Variants in NR6A1 observed in about 807,000 individuals in gnomAD.
NR6A1 encodes the protein nuclear receptor subfamily 6 group A member 1, also known as retinoic acid receptor-related testis-associated receptor.
Under a neutral mutation model 59.1 loss-of-function variants are expected in NR6A1, and 7 were observed. The ratio of observed to expected loss-of-function variants is 0.12; its 90% CI spans 0.07 to 0.22. The LOEUF is 0.22. Among genes scored for constraint, NR6A1 ranks in the 10% least tolerant of loss-of-function variants. NR6A1 has a pLI of 1.00. For missense variants in NR6A1, 468 were observed against 611.6 expected (o/e 0.77, Z 2.48); for synonymous variants, 243 against 236.1 (o/e 1.03, Z -0.27).
chr9:124,588,934 G>GAAAAAAAAAAAAAAAAA (rs1486219342), intron 2 of NR6A1, among the ~76,000 whole-genome samples: 1 of 110,086 alleles, frequency 9.1e-6, no homozygotes. Flanking sequence ...AAAAAAAAAA[G>GAAAAAAAAAAAAAAAAA]AAAGAAAAAA....
At chr9:124,524,633 G>A (rs1832881045) in intron 9 of NR6A1, 88 bp downstream of exon 9, 3 of 1,479,564 alleles carry the variant, frequency 2.0e-6, no homozygotes, top group Non-Finnish European at 2.8e-6. Context: ...GGGCTGGAAA[G>A]AGCACCCTGA....
intron 2 of NR6A1, among the ~76,000 whole-genome samples, chr9:124,646,603 A>G (rs952846710): frequency 3.9e-5 from 6 of 152,260 alleles, no homozygotes; most frequent in Admixed American, 1.3e-4. Context: ...CATTGGAAGA[A>G]TAAGTGTCTT....
intron 1 of NR6A1, among the ~76,000 whole-genome samples, chr9:124,766,321 T>C (rs1323979824): frequency 1.3e-5 from 2 of 152,256 alleles, no homozygotes; most frequent in Non-Finnish European, 2.9e-5. Flanking sequence ...AACATTTTCC[T>C]TCACAACTTA....
intron 7 of NR6A1, among the ~76,000 whole-genome samples, chr9:124,534,213 C>T (rs1488098479): frequency 1.3e-5 from 2 of 152,024 alleles, no homozygotes; most frequent in Non-Finnish European, 2.9e-5. Context: ...CCTGGGATTA[C>T]AGGCATGCGC....
At chr9:124,593,844 C>T (rs1280803496) in intron 2 of NR6A1, among the ~76,000 whole-genome samples, 2 of 152,118 alleles carry the variant, frequency 1.3e-5, no homozygotes, top group East Asian at 1.9e-4. Context: ...CAAAGCCCTT[C>T]CCCCACCTTT....
chr9:124,701,567 T>C (rs1838951274), intron 2 of NR6A1, among the ~76,000 whole-genome samples: 2 of 152,212 alleles, frequency 1.3e-5, no homozygotes, highest in Admixed American at 1.3e-4. Flanking sequence ...CCATTTCCCC[T>C]AGCAACTTGT....
chr9:124,550,085 T>C lies in NR6A1; in HGVS notation c.385+4243A>G, dbSNP rs372139841. Among the ~76,000 whole-genome samples, 18 of 152,340 alleles carry C rather than the reference T, an allele frequency of 1.2e-4. No homozygotes were observed. The East Asian group carries it at 1.5e-3, about 13-fold the overall frequency. ...GCTTGTTTGTTTTCTCAGGATTAGA[T>C]TGAGTGAACTTACCTCTCTGTGTGT... On this transcript the variant is annotated intron_variant, in intron 3 of 9. Coordinates refer to ENST00000487099, the MANE Select transcript of NR6A1 (RefSeq NM_033334.4).
At chr9:124,631,092 G>T (rs773176897) in intron 2 of NR6A1, among the ~76,000 whole-genome samples, 3 of 152,072 alleles carry the variant, frequency 2.0e-5, no homozygotes, top group Non-Finnish European at 2.9e-5. Context: ...CAGTTTCTGG[G>T]ATATAAATGA....
intron 1 of NR6A1, among the ~76,000 whole-genome samples, chr9:124,736,749 G>C (rs1377980269): frequency 6.6e-6 from 1 of 152,074 alleles, no homozygotes; most frequent in Non-Finnish European, 1.5e-5. Flanking sequence ...GGGAGGCTGA[G>C]GTAGAGATCA....
At chr9:124,708,674 A>G (rs976555013) in intron 2 of NR6A1, among the ~76,000 whole-genome samples, 5 of 152,236 alleles carry the variant, frequency 3.3e-5, no homozygotes, top group South Asian at 2.1e-4. Flanking sequence ...CCCAAAAGCC[A>G]TAACTACTGG....
At position 124,771,087 on chromosome 9, in the gene NR6A1, C is replaced by T; in HGVS notation, c.33G>A (p.Gly11=). The T allele has an allele frequency of 3.3e-6, 4 of 1,230,414 alleles. No homozygotes were observed. Among genetic ancestry groups the T allele is most frequent in the Non-Finnish European group, 4.1e-6 (4 of 986,948 alleles). 76.2% of individuals were successfully genotyped at this position (1,230,414 alleles called of 1,614,324 possible). A position where few individuals can be genotyped will look rare whatever the true frequency, so the allele number is the denominator to read the frequency against. Residue 11 remains glycine, a synonymous_variant, in exon 1 of 10, where the codon GGG becomes GGA. Transcript: ENST00000487099. ...ACCCCGCCGAGCCCCCGCCGCCTCC[C>T]CCTCCGCTAGGCGGCGGTTCGTCCC... MERDEPPPSG[G]GGGGGSAGFL...
At chr9:124,595,187 A>T (rs1399886594) in intron 2 of NR6A1, among the ~76,000 whole-genome samples, 1 of 152,198 alleles carries the variant, frequency 6.6e-6, no homozygotes, top group Non-Finnish European at 1.5e-5. Context: ...ACATACACAC[A>T]CATGCAGAAA....
At chr9:124,679,875 C>T (rs1838082266) in intron 2 of NR6A1, among the ~76,000 whole-genome samples, 1 of 141,882 alleles carries the variant, frequency 7.0e-6, no homozygotes, top group South Asian at 2.2e-4. Flanking sequence ...CCAGCCTGGA[C>T]AACGGAGAGA....
chr9:124,586,417 G>A (rs1834936374), intron 2 of NR6A1, among the ~76,000 whole-genome samples: 1 of 151,908 alleles, frequency 6.6e-6, no homozygotes, highest in Non-Finnish European at 1.5e-5. Context: ...TCCTAAAGAT[G>A]TGGCTGAATT....
intron 2 of NR6A1, among the ~76,000 whole-genome samples, chr9:124,565,953 G>C (rs1834228248): frequency 6.6e-6 from 1 of 152,124 alleles, no homozygotes; most frequent in South Asian, 2.1e-4. Context: ...TCATTCCCAG[G>C]TATATACCCA....
intron 1 of NR6A1, among the ~76,000 whole-genome samples, chr9:124,738,788 A>AG (rs1312288848): frequency 6.6e-6 from 1 of 152,052 alleles, no homozygotes; most frequent in African/African-American, 2.4e-5. Context: ...GAGGATCACG[A>AG]GGTCAGGAGT....
At chr9:124,735,663 T>TAAAGGCAATGGGAATCAGA (rs1840001136) in intron 1 of NR6A1, among the ~76,000 whole-genome samples, 1 of 152,184 alleles carries the variant, frequency 6.6e-6, no homozygotes, top group Non-Finnish European at 1.5e-5. Context: ...CCCCTCTACA[T>TAAAGGCAATGGGAATCAGA]AAAGGCAATG....
intron 2 of NR6A1, among the ~76,000 whole-genome samples, chr9:124,655,573 C>T (rs770496507): frequency 3.9e-5 from 6 of 152,128 alleles, no homozygotes; most frequent in Admixed American, 6.5e-5. Context: ...AACTGGCCAT[C>T]GTCCCAGCCC....
intron 2 of NR6A1, among the ~76,000 whole-genome samples, chr9:124,696,029 C>A (rs866062553): frequency 1.3e-5 from 2 of 152,044 alleles, no homozygotes; most frequent in African/African-American, 2.4e-5. Context: ...AAAATAAATA[C>A]CTGTAACAGA....
Sources: gnomAD v4.1 joint callset for allele counts (sites outside exome capture counted in the v4.1 genomes callset) on GRCh38, gnomAD v4.1.1 for gene constraint, MANE v1.5 for transcripts, NCBI Gene and HGNC (gene_info 2026-07-23, HGNC 2026-07-21) for gene names.